The following CEP290 variants were observed in gnomAD, a reference collection of about 807,000 sequenced individuals.
CEP290 encodes the protein centrosomal protein 290, also known as centrosomal protein of 290 kDa.
A neutral mutation model predicts 344.9 loss-of-function variants in CEP290; 317 were observed. The ratio of observed to expected loss-of-function variants is 0.92; its 90% CI spans 0.84 to 1.01. The LOEUF is 1.01. Ranked by LOEUF, CEP290 falls within the 50% of genes least tolerant of loss-of-function variation. CEP290 has a pLI of 0.00. For synonymous variants in CEP290, 932 were observed against 895.8 expected, an observed-to-expected ratio of 1.04 and a Z score of -0.72; for missense variants, 2,754 against 2,761.4, an observed-to-expected ratio of 1.00 and a Z score of 0.06.
intron 26 of CEP290, among the ~76,000 whole-genome samples, chr12:88,097,583 A>G (rs1565861831): frequency 7.4e-6 from 1 of 135,834 alleles, no homozygotes; most frequent in Non-Finnish European, 1.6e-5. Context: ...ACACATACAT[A>G]CATATATATA....
rs146763056 is a variant in CEP290, at chr12:88,128,479, G to A, written c.942+467C>T. Among the ~76,000 whole-genome samples, 23 of 152,234 alleles carry A rather than the reference G, an allele frequency of 1.5e-4. No homozygotes were observed. The East Asian group carries it at 3.9e-3, about 26-fold the overall frequency. On this transcript the variant is annotated intron_variant, in intron 11 of 53. Coordinates refer to ENST00000552810, the MANE Select transcript of CEP290 (RefSeq NM_025114.4). ...GACAATTTGGTTAAGGTTGGAGAGT[G>A]GTGGTGAGGAAGAAAAGTGTATTTT... is the stretch of plus-strand genomic sequence containing the variant.
rs199844833 is a variant in CEP290 at position 88,089,427 on chromosome 12, G to T, written c.3634C>A (p.Leu1212Met). 5.9e-5 allele frequency: 94 copies of T among 1,604,858 alleles called. No individual in the cohort carries two copies. Among genetic ancestry groups the T allele is most frequent in the Non-Finnish European group, 7.7e-5 (90 of 1,174,826 alleles). The change falls in exon 31 of 54, where the codon CTG (leucine) becomes ATG (methionine). Residue 1212 changes from leucine to methionine, a missense_variant. Physicochemically the swap from Leu to Met is conservative, Grantham distance 15. Transcript: ENST00000552810. The part of the protein sequence containing the change: ...KLHQHNVSLQ[L>M]SEATALGKLE... ...TTACCAAGAGCAGTAGCCTCACTCA[G>T]TTGAAGAGAGACATTATGTTGGTGC...
intron 6 of CEP290, 106 bp downstream of exon 6, chr12:88,136,536 AT>A (rs2138211336): frequency 8.7e-7 from 1 of 1,143,024 alleles, no homozygotes; most frequent in Non-Finnish European, 1.3e-6. Context: ...AGTGTACATC[AT>A]TTTTCAAATA....
At chr12:88,096,851 G>T in intron 27 of CEP290, 37 bp downstream of exon 27, 2 of 983,230 alleles carry the variant, frequency 2.0e-6, no homozygotes, top group Non-Finnish European at 3.0e-6. Flanking sequence ...ATTATTAGAT[G>T]TTAATCATTT....
intron 42 of CEP290, 137 bp downstream of exon 42, chr12:88,071,644 G>A (rs1301686802): frequency 1.2e-6 from 1 of 850,862 alleles, no homozygotes; most frequent in Non-Finnish European, 1.7e-6. Flanking sequence ...AAAATAAAAA[G>A]TAAGTAAATC....
At chr12:88,131,608 T>TA (rs2040077819) in intron 6 of CEP290, among the ~76,000 whole-genome samples, 1 of 152,146 alleles carries the variant, frequency 6.6e-6, no homozygotes. Flanking sequence ...CTTATCTACT[T>TA]AAATTTTAAA....
chr12:88,065,877 T>G (rs1348256861), intron 44 of CEP290, among the ~76,000 whole-genome samples: 1 of 152,178 alleles, frequency 6.6e-6, no homozygotes, highest in East Asian at 1.9e-4. Context: ...GAAAAACAAA[T>G]TCTAATGTAA....
rs772603458 is a variant in CEP290 at position 88,059,985 on chromosome 12, A to C, written c.6558T>G (p.His2186Gln). The change falls in exon 48 of 54, where the codon CAT becomes CAG. Residue 2186 changes from histidine (H) to glutamine (Q), a missense_variant. His to Gln is a conservative substitution (Grantham distance 24, BLOSUM62 0). Transcript: ENST00000552810. ...ELEKLKAHLG[H>Q]QLSMHYESKT... ...TGGATTCATAGTGCATGCTCAACTG[A>C]TGCCCAAGATGAGCTTTAAGTTTTT... The C allele has an allele frequency of 3.6e-5, 57 of 1,574,090 alleles. 1 individual carries two copies. The African/African-American group carries it at 5.7e-4, about 16-fold the overall frequency.
At chr12:88,095,395 C>T (rs938423940) in intron 27 of CEP290, among the ~76,000 whole-genome samples, 7 of 151,778 alleles carry the variant, frequency 4.6e-5, no homozygotes, top group Non-Finnish European at 8.8e-5. Flanking sequence ...CTTAAAACTT[C>T]GGTGATATAA....
chr12:88,107,037 C>T lies in CEP290; in HGVS notation c.2545G>A (p.Asp849Asn). 6.4e-7 allele frequency: 1 copy of T among 1,554,534 alleles called. No individual in the cohort carries two copies. Among genetic ancestry groups the T allele is most frequent in the Non-Finnish European group, 8.7e-7 (1 of 1,151,094 alleles). The part of the protein sequence containing the change: ...TIKEEKRKLE[D>N]QVQQDAIKVK... ...TTTATAGCATCTTGTTGGACTTGAT[C>T]CTCAAGTTTTCTCTTTTCCTCTTTT... Residue 849 changes from aspartate (D) to asparagine (N), a missense_variant, in exon 24 of 54, where the codon GAT becomes AAT. By Grantham distance (23) the Asp-to-Asn change is conservative. Transcript: ENST00000552810.
intron 20 of CEP290, among the ~76,000 whole-genome samples, chr12:88,113,725 A>G (rs1232447871): frequency 6.6e-6 from 1 of 152,012 alleles, no homozygotes; most frequent in Non-Finnish European, 1.5e-5. Flanking sequence ...GAAATTCTCA[A>G]GTCCCTATAT....
At position 88,087,896 on chromosome 12, in the gene CEP290, T is replaced by G. The variant is rs961918767; in HGVS notation, c.4078A>C (p.Lys1360Gln). 5.7e-6 allele frequency: 7 copies of G among 1,228,486 alleles called. No individual in the cohort carries two copies. In the African/African-American group the frequency reaches 1.1e-4, roughly 19 times the overall value. The allele number at this position is 1,228,486 out of a possible 1,614,324, so 76.1% of individuals were successfully genotyped here. ...TCCTTGACTAATTCCCGATTTAGTT[T>G]AAGTTCTTGAAGACGAAGTTCTTCT... ...KIEELRLQEL[K>Q]LNRELVKDKE... is the part of the protein sequence containing the mutation. The change falls in exon 32 of 54, where the codon AAA becomes CAA. Residue 1360 changes from lysine to glutamine, a missense_variant. Physicochemically the swap from Lys to Gln is moderately conservative, Grantham distance 53. Transcript: ENST00000552810.
chr12:88,126,504 T>G (rs1191475568), intron 11 of CEP290, 66 bp from the exon 12 acceptor site: 3 of 1,134,004 alleles, frequency 2.6e-6, no homozygotes, highest in Non-Finnish European at 3.6e-6. Context: ...TTCATTATCA[T>G]AAATAATAAA....
intron 18 of CEP290, among the ~76,000 whole-genome samples, chr12:88,116,287 G>T (rs1170123313): frequency 6.6e-6 from 1 of 152,194 alleles, no homozygotes; most frequent in Non-Finnish European, 1.5e-5. Context: ...TGCAGACATG[G>T]TGCTTTAAAA....
intron 39 of CEP290, 66 bp downstream of exon 39, chr12:88,079,026 A>T: frequency 2.2e-6 from 3 of 1,373,274 alleles, no homozygotes; most frequent in Non-Finnish European, 2.9e-6. Flanking sequence ...ACTATATATC[A>T]TAGTGAATTC....
intron 44 of CEP290, among the ~76,000 whole-genome samples, chr12:88,067,463 G>A (rs2035027992): frequency 6.6e-6 from 1 of 152,112 alleles, no homozygotes; most frequent in South Asian, 2.1e-4. Context: ...TGACGCATCA[G>A]TTACATCGCC....
chr12:88,129,268 T>A (rs1310331449), intron 10 of CEP290, among the ~76,000 whole-genome samples: 1 of 152,000 alleles, frequency 6.6e-6, no homozygotes, highest in Admixed American at 6.6e-5. Flanking sequence ...TATAATTGCA[T>A]AATTATCTTT....
At chr12:88,118,436 T>C in intron 17 of CEP290, 47 bp downstream of exon 17, 1 of 1,394,766 alleles carries the variant, frequency 7.2e-7, no homozygotes. Flanking sequence ...TCCAGACAAC[T>C]CACTTATCAA....
chr12:88,065,975 A>C (rs2034893039), intron 44 of CEP290, among the ~76,000 whole-genome samples: 1 of 152,236 alleles, frequency 6.6e-6, no homozygotes, highest in African/African-American at 2.4e-5. Context: ...AAAGCCATCA[A>C]CTACTTAAAA....
Sources: gnomAD v4.1 joint callset for allele counts (sites outside exome capture counted in the v4.1 genomes callset) on GRCh38, gnomAD v4.1.1 for gene constraint, MANE v1.5 for transcripts, NCBI Gene and HGNC (gene_info 2026-07-23, HGNC 2026-07-21) for gene names.